Variants in JAK2 observed in about 807,000 individuals in gnomAD.
JAK2 encodes tyrosine-protein kinase JAK2.
A neutral mutation model predicts 139.3 loss-of-function variants in JAK2; 86 were observed. The ratio of observed to expected loss-of-function variants is 0.62; its 90% confidence interval spans 0.52 to 0.74. The LOEUF is 0.74. JAK2 is among the 30% of genes least tolerant of loss of function. JAK2 has a pLI of 0.00. For synonymous variants in JAK2, 490 were observed against 437.7 expected (o/e 1.12, Z -1.49); for missense variants, 1,421 against 1,360.3 (o/e 1.04, Z -0.70).
At chr9:5,103,280 G>GA (rs932280459) in intron 22 of JAK2, among the ~76,000 whole-genome samples, 6 of 82,924 alleles carry the variant, frequency 7.2e-5, no homozygotes, top group Admixed American at 2.7e-4. Context: ...CCCGGTCTCT[G>GA]AAAAAAAAGA....
Position 5,127,430 on chromosome 9 carries a change from C to G in JAK2, c.*639C>G. The G allele has an allele frequency of 4.3e-6, 1 of 231,480 alleles. No individual in the cohort carries two copies. The highest frequency in any genetic ancestry group is 2.2e-5 in the African/African-American group (1 of 45,300). 14.3% of individuals were successfully genotyped at this position (231,480 alleles called of 1,614,324 possible). On this transcript the variant is annotated 3_prime_UTR_variant, in exon 25 of 25. Coordinates refer to ENST00000381652, the MANE Select transcript of JAK2 (RefSeq NM_004972.4). Reference sequence around the variant, plus strand: ...GTAAATATTTTTCACATAAAGGGAACAAATGTCTAGTTTTATTTGTATAGG... The same window carrying G: ...GTAAATATTTTTCACATAAAGGGAAGAAATGTCTAGTTTTATTTGTATAGG...
intron 12 of JAK2, among the ~76,000 whole-genome samples, chr9:5,071,681 A>C (rs1818958580): frequency 6.6e-6 from 1 of 152,168 alleles, no homozygotes; most frequent in South Asian, 2.1e-4. Flanking sequence ...CAAAATGAGA[A>C]AGACCCAACT....
intron 8 of JAK2, among the ~76,000 whole-genome samples, chr9:5,064,557 C>G (rs923367489): frequency 1.3e-4 from 20 of 151,530 alleles, no homozygotes; most frequent in Non-Finnish European, 1.9e-4. Context: ...AGGAAATGCT[C>G]ATGATTTCTA....
intron 22 of JAK2, chr9:5,099,129 G>A (rs1408437461): frequency 6.6e-6 from 1 of 152,144 alleles, no homozygotes; most frequent in Non-Finnish European, 1.5e-5. Flanking sequence ...AAGACATCCT[G>A]CACTCATGAA....
At chr9:5,102,434 A>G (rs577904369) in intron 22 of JAK2, among the ~76,000 whole-genome samples, 3 of 152,236 alleles carry the variant, frequency 2.0e-5, no homozygotes, top group Admixed American at 1.3e-4. Context: ...CCTGAAAGTG[A>G]CGGGGAGAAT....
chr9:4,990,596 A>G (rs1439490811), intron 2 of JAK2, among the ~76,000 whole-genome samples: 3 of 150,922 alleles, frequency 2.0e-5, no homozygotes, highest in Non-Finnish European at 4.4e-5. Flanking sequence ...GGAATGGGTA[A>G]AGGAGACAAA....
chr9:5,106,693 A>G (rs955124956), intron 22 of JAK2, among the ~76,000 whole-genome samples: 19 of 152,310 alleles, frequency 1.2e-4, no homozygotes, highest in African/African-American at 3.4e-4. Context: ...ATATGCCACA[A>G]ATATCCCAAG....
intron 22 of JAK2, chr9:5,111,984 C>T: frequency 2.7e-6 from 1 of 366,544 alleles, no homozygotes; most frequent in Non-Finnish European, 5.4e-6. Flanking sequence ...GGGCTCCCCC[C>T]AGGGCCTGGG....
intron 22 of JAK2, among the ~76,000 whole-genome samples, chr9:5,105,848 C>A (rs1187049581): frequency 2.0e-5 from 3 of 152,214 alleles, no homozygotes; most frequent in African/African-American, 7.2e-5. Context: ...GCTGGGAAAA[C>A]TGGCTAGCCA....
intron 14 of JAK2, among the ~76,000 whole-genome samples, chr9:5,076,382 C>T (rs1819308644): frequency 6.6e-6 from 1 of 152,080 alleles, no homozygotes; most frequent in African/African-American, 2.4e-5. Context: ...AAGAAACTGC[C>T]ACAGCTACCT....
intron 19 of JAK2, among the ~76,000 whole-genome samples, chr9:5,089,074 C>G (rs1298508337): frequency 1.3e-5 from 2 of 152,154 alleles, no homozygotes; most frequent in South Asian, 4.1e-4. Context: ...TCAGCATGTC[C>G]CTTGGCTTAT....
Position 5,037,184 on chromosome 9 carries a change from G to C in JAK2, c.351-7219G>C, listed in dbSNP as rs10481523. Among the ~76,000 whole-genome samples, 1,333 of 151,606 alleles carry C rather than the reference G, an allele frequency of 8.8e-3. 8 individuals carry two copies. The highest frequency in any genetic ancestry group is 0.015 in the Non-Finnish European group (1,043 of 67,852). On this transcript the variant is annotated intron_variant, in intron 4 of 24. Coordinates refer to ENST00000381652, the MANE Select transcript of JAK2 (RefSeq NM_004972.4). ...ACCATCTCACACCAGTTAGAATGGCGATCATTAAAAAGTCAGGAAACAACA... is the reference window on the plus strand; with the variant it reads ...ACCATCTCACACCAGTTAGAATGGCCATCATTAAAAAGTCAGGAAACAACA...
At chr9:5,095,401 T>G (rs1280216569) in intron 22 of JAK2, among the ~76,000 whole-genome samples, 1 of 152,166 alleles carries the variant, frequency 6.6e-6, no homozygotes. Flanking sequence ...AGCCACCAAA[T>G]ATTTTCTTAC....
chr9:5,033,031 C>G (rs1010705464), intron 4 of JAK2, among the ~76,000 whole-genome samples: 8 of 152,018 alleles, frequency 5.3e-5, no homozygotes, highest in Non-Finnish European at 1.0e-4. Flanking sequence ...CTAGAATAAC[C>G]AATGCAGAGA....
Position 5,085,910 on chromosome 9 carries a change from A to C in JAK2, c.2572-3764A>C, listed in dbSNP as rs549668698. ...TGAGCGGTTCCTTTCTAATACCCTC[A>C]TACAGACCTTTCAAGTCTCTCCAAC... On this transcript the variant is annotated intron_variant, in intron 19 of 24. Transcript: ENST00000381652. 149 of 989,836 alleles carry C rather than the reference A, an allele frequency of 1.5e-4. No individual in the cohort carries two copies. In the African/African-American group the frequency reaches 1.8e-3, roughly 12 times the overall value. The allele number at this position is 989,836 out of a possible 1,614,324, so 61.3% of individuals were successfully genotyped here.
chr9:5,010,330 C>CTT (rs954103463), intron 2 of JAK2, among the ~76,000 whole-genome samples: 1 of 144,486 alleles, frequency 6.9e-6, no homozygotes. Flanking sequence ...TGTCAGTTGT[C>CTT]TTTTTTTTTT....
intron 2 of JAK2, among the ~76,000 whole-genome samples, chr9:5,001,017 A>G (rs559881156): frequency 1.3e-5 from 2 of 152,354 alleles, no homozygotes; most frequent in South Asian, 4.1e-4. Flanking sequence ...TTAGTAGAGT[A>G]TATAGAAATA....
At chr9:5,062,179 C>T (rs998465868) in intron 8 of JAK2, among the ~76,000 whole-genome samples, 1 of 151,878 alleles carries the variant, frequency 6.6e-6, no homozygotes, top group African/African-American at 2.4e-5. Context: ...TCACAGGATG[C>T]AAAACCTGCA....
chr9:5,105,365 C>G (rs1345327835), intron 22 of JAK2, among the ~76,000 whole-genome samples: 1 of 152,024 alleles, frequency 6.6e-6, no homozygotes, highest in Non-Finnish European at 1.5e-5. Context: ...CGAAGGACCT[C>G]TGGACCTCTT....
Sources: allele counts gnomAD v4.1 joint callset (sites outside exome capture counted in the v4.1 genomes callset), GRCh38; gene constraint gnomAD v4.1.1; transcripts MANE v1.5; gene names NCBI Gene and HGNC (gene_info 2026-07-23, HGNC 2026-07-21).